The following CREB5 variants were observed in gnomAD, a reference collection of about 807,000 sequenced individuals.
The protein encoded by CREB5 is cAMP responsive element binding protein 5.
CREB5 carries 19 observed loss-of-function variants against 57.1 expected under a neutral mutation model. The observed-to-expected ratio is 0.33, with a 90% confidence interval of 0.23 to 0.49. CREB5 has a LOEUF of 0.49. CREB5 is among the 20% of genes least tolerant of loss of function. The probability of loss-of-function intolerance (pLI) is 0.99; values close to 1 mark genes in which losing one functional copy is unlikely to be tolerated. For missense variants in CREB5, 579 were observed against 671.6 expected (o/e 0.86, Z 1.52); for synonymous variants, 238 against 238.3 (o/e 1.00, Z 0.01).
intron 1 of CREB5, among the ~76,000 whole-genome samples, chr7:28,445,700 C>A (rs867018584): frequency 6.6e-6 from 1 of 151,864 alleles, no homozygotes; most frequent in Non-Finnish European, 1.5e-5. Context: ...TACAGGCGCC[C>A]GCCACCACGC....
At chr7:28,725,645 T>TTAAAAAAA (rs1554291839) in intron 7 of CREB5, among the ~76,000 whole-genome samples, 1 of 112,372 alleles carries the variant, frequency 8.9e-6, no homozygotes. Flanking sequence ...TATCTTTTTT[T>TTAAAAAAA]AAAAAAAAAA....
chr7:28,461,648 C>A (rs1273433747), intron 1 of CREB5, among the ~76,000 whole-genome samples: 2 of 152,064 alleles, frequency 1.3e-5, no homozygotes, highest in Non-Finnish European at 2.9e-5. Context: ...TGTGACAACT[C>A]CAATTTCATG....
chr7:28,549,830 A>C (rs143961337), intron 4 of CREB5, among the ~76,000 whole-genome samples: 1 of 152,334 alleles, frequency 6.6e-6, no homozygotes, highest in South Asian at 2.1e-4. Context: ...TACATGCTGC[A>C]AAGCGTGTCA....
intron 1 of CREB5, among the ~76,000 whole-genome samples, chr7:28,434,750 GA>G (rs1246726874): frequency 6.6e-6 from 1 of 152,144 alleles, no homozygotes; most frequent in African/African-American, 2.4e-5. Context: ...AAAGTCATAT[GA>G]ATACAAATAA....
intron 5 of CREB5, among the ~76,000 whole-genome samples, chr7:28,632,945 G>A (rs1211528285): frequency 6.6e-6 from 1 of 152,184 alleles, no homozygotes; most frequent in East Asian, 1.9e-4. Flanking sequence ...GTATAATAGT[G>A]TATTATATCA....
chr7:28,361,497 G>T (rs936118283), intron 1 of CREB5, among the ~76,000 whole-genome samples: 3 of 152,208 alleles, frequency 2.0e-5, no homozygotes, highest in African/African-American at 7.2e-5. Flanking sequence ...GCTAGGTGGT[G>T]GGCATATGAC....
At chr7:28,654,663 G>T (rs1799267385) in intron 5 of CREB5, among the ~76,000 whole-genome samples, 1 of 152,170 alleles carries the variant, frequency 6.6e-6, no homozygotes, top group African/African-American at 2.4e-5. Flanking sequence ...TTAGAGGTAT[G>T]GGTGGTATAT....
chr7:28,558,013 C>T (rs1296471613), intron 4 of CREB5, among the ~76,000 whole-genome samples: 4 of 152,312 alleles, frequency 2.6e-5, no homozygotes, highest in African/African-American at 9.6e-5. Flanking sequence ...AATATTCAGA[C>T]AGGATTTCTG....
chr7:28,687,691 G>A (rs1280825445), intron 5 of CREB5, among the ~76,000 whole-genome samples: 1 of 151,924 alleles, frequency 6.6e-6, no homozygotes, highest in Non-Finnish European at 1.5e-5. Context: ...TACCAGAAAG[G>A]TGTCTATTTA....
intron 4 of CREB5, among the ~76,000 whole-genome samples, chr7:28,520,705 C>T (rs1793169672): frequency 6.6e-6 from 1 of 152,268 alleles, no homozygotes; most frequent in Admixed American, 6.5e-5. Flanking sequence ...TCTTGGCAGT[C>T]TCTTCAGAGC....
At chr7:28,417,805 A>T (rs944984408) in intron 1 of CREB5, among the ~76,000 whole-genome samples, 1 of 152,244 alleles carries the variant, frequency 6.6e-6, no homozygotes, top group Non-Finnish European at 1.5e-5. Flanking sequence ...GCACCCTGCA[A>T]CACATATTTA....
chr7:28,446,033 G>C (rs1789448058), intron 1 of CREB5, among the ~76,000 whole-genome samples: 1 of 152,182 alleles, frequency 6.6e-6, no homozygotes, highest in Non-Finnish European at 1.5e-5. Flanking sequence ...GGAAGCCCTT[G>C]GACCAGCTGG....
intron 2 of CREB5, among the ~76,000 whole-genome samples, chr7:28,488,611 G>A (rs1791671458): frequency 6.6e-6 from 1 of 152,102 alleles, no homozygotes; most frequent in Non-Finnish European, 1.5e-5. Context: ...ATACTGGCTG[G>A]GCTTCGAGAT....
chr7:28,778,227 G>GTAATT (rs1355372220), intron 7 of CREB5, among the ~76,000 whole-genome samples: 1 of 152,188 alleles, frequency 6.6e-6, no homozygotes, highest in Non-Finnish European at 1.5e-5. Flanking sequence ...TTTTCTAGTT[G>GTAATT]TACTTTGTAA....
chr7:28,320,913 C>T (rs569676807), intron 1 of CREB5, among the ~76,000 whole-genome samples: 3 of 152,110 alleles, frequency 2.0e-5, no homozygotes, highest in Non-Finnish European at 2.9e-5. Context: ...GTAATTGATA[C>T]GTAATGCAGA....
chr7:28,663,907 A>G (rs1259491370), intron 5 of CREB5, among the ~76,000 whole-genome samples: 2 of 152,168 alleles, frequency 1.3e-5, no homozygotes, highest in African/African-American at 4.8e-5. Context: ...AGTAATTACT[A>G]TCCCTTCCCA....
intron 5 of CREB5, chr7:28,608,967 G>A (rs143283263): frequency 1.7e-4 from 26 of 152,268 alleles, no homozygotes; most frequent in African/African-American, 5.5e-4. Context: ...GTGTTCATTC[G>A]TGATCTATGA....
At chr7:28,331,736 C>G (rs910552947) in intron 1 of CREB5, among the ~76,000 whole-genome samples, 3 of 151,684 alleles carry the variant, frequency 2.0e-5, no homozygotes, top group Admixed American at 1.3e-4. Flanking sequence ...GTAATCCCAG[C>G]TACCCTGGGG....
intron 5 of CREB5, among the ~76,000 whole-genome samples, chr7:28,638,812 G>A (rs1798531777): frequency 6.6e-6 from 1 of 152,062 alleles, no homozygotes. Flanking sequence ...ACATCCCATA[G>A]CAAATCAGAG....
Sources: allele counts gnomAD v4.1 joint callset (sites outside exome capture counted in the v4.1 genomes callset), GRCh38; gene constraint gnomAD v4.1.1; transcripts MANE v1.5; gene names NCBI Gene and HGNC (gene_info 2026-07-23, HGNC 2026-07-21).